Variants in UBQLN1 observed in about 807,000 individuals in gnomAD.
UBQLN1 encodes ubiquilin 1, also known as ubiquilin-1.
A neutral mutation model predicts 65.4 loss-of-function variants in UBQLN1; 13 were observed. The ratio of observed to expected loss-of-function variants is 0.20; its 90% CI spans 0.13 to 0.32. The LOEUF (loss-of-function observed/expected upper bound fraction) is 0.32. Ranked by LOEUF, UBQLN1 falls within the 10% of genes least tolerant of loss-of-function variation. The pLI, the probability that UBQLN1 is intolerant of heterozygous loss-of-function variation, is 1.00. For synonymous variants in UBQLN1, 267 were observed against 247.8 expected (o/e 1.08, Z -0.73); for missense variants, 561 against 724.0 (o/e 0.77, Z 2.58).
chr9:83,676,800 GTC>G (rs962453009), intron 6 of UBQLN1, among the ~76,000 whole-genome samples: 1 of 152,106 alleles, frequency 6.6e-6, no homozygotes, highest in Admixed American at 6.6e-5. Flanking sequence ...GTGCTCCCAT[GTC>G]TCCATTTCTT....
intron 1 of UBQLN1, among the ~76,000 whole-genome samples, chr9:83,707,280 A>C (rs1314997856): frequency 1.3e-5 from 2 of 152,150 alleles, no homozygotes; most frequent in African/African-American, 2.4e-5. Flanking sequence ...GAAAAGCGGC[A>C]TCAGCCCGTC....
intron 1 of UBQLN1, among the ~76,000 whole-genome samples, chr9:83,702,729 T>C (rs980994373): frequency 6.6e-6 from 1 of 152,174 alleles, no homozygotes; most frequent in Non-Finnish European, 1.5e-5. Context: ...TAACCACATG[T>C]GGGTGATGGT....
At position 83,661,622 on chromosome 9, in the gene UBQLN1, G is replaced by T. The variant is rs1027358189; in HGVS notation, c.*165C>A. On this transcript the variant is annotated 3_prime_UTR_variant, in exon 11 of 11. Transcript: ENST00000376395. ...CACTGTTCCAGAAAAGAAAAATACA[G>T]AAAAACCCACACATCTTACTGTACT... 7.8e-6 allele frequency: 5 copies of T among 644,328 alleles called. No individual in the cohort carries two copies. The highest frequency in any genetic ancestry group is 9.5e-6 in the Non-Finnish European group (4 of 423,080). The allele number at this position is 644,328 out of a possible 1,614,324, so 39.9% of individuals were successfully genotyped here.
At chr9:83,667,687 T>C (rs1219721996) in intron 7 of UBQLN1, 1 of 985,214 alleles carries the variant, frequency 1.0e-6, no homozygotes, top group Non-Finnish European at 1.2e-6. Flanking sequence ...TAAAAAAGCA[T>C]GTCATCTTAA....
At chr9:83,696,136 C>T (rs1253830469) in intron 1 of UBQLN1, among the ~76,000 whole-genome samples, 2 of 152,142 alleles carry the variant, frequency 1.3e-5, no homozygotes, top group Non-Finnish European at 2.9e-5. Context: ...GACAGGGTTT[C>T]ACCATGTTGG....
At chr9:83,678,956 C>T (rs988151060) in intron 4 of UBQLN1, among the ~76,000 whole-genome samples, 2 of 152,110 alleles carry the variant, frequency 1.3e-5, no homozygotes, top group Admixed American at 6.5e-5. Flanking sequence ...CTCCTGACCT[C>T]GTGATCCGCC....
chr9:83,672,518 G>T (rs1382367851), intron 6 of UBQLN1, among the ~76,000 whole-genome samples: 2 of 152,204 alleles, frequency 1.3e-5, no homozygotes, highest in Admixed American at 1.3e-4. Flanking sequence ...GACCCAAGAA[G>T]AGGAAGAGAG....
chr9:83,668,607 T>A (rs542173097), intron 7 of UBQLN1: 2 of 985,508 alleles, frequency 2.0e-6, no homozygotes, highest in Admixed American at 1.2e-4. Context: ...AGCATTAAGA[T>A]CCCCAATTTT....
At position 83,707,685 on chromosome 9, in the gene UBQLN1, T is replaced by TGGCGGC. The variant is rs752884357; in HGVS notation, c.-12_-7dup. Reference sequence around the variant, plus strand: ...CTTTCACCACTCTCGGCCATGGCTGTGGCGGCGGCGGCGGCGGTGACTCAG... The same window carrying TGGCGGC: ...CTTTCACCACTCTCGGCCATGGCTGTGGCGGCGGCGGCGGCGGCGGCGGTGACTCAG... On this transcript the variant is annotated 5_prime_UTR_variant, in exon 1 of 11. Transcript: ENST00000376395. 1.2e-5 allele frequency: 18 copies of TGGCGGC among 1,531,220 alleles called. No homozygotes were observed. In the South Asian group the frequency reaches 1.3e-4, roughly 11 times the overall value. 94.9% of individuals were successfully genotyped at this position (1,531,220 alleles called of 1,614,324 possible). A position where few individuals can be genotyped will look rare whatever the true frequency, so the allele number is the denominator to read the frequency against.
chr9:83,675,920 A>C (rs10780622), intron 6 of UBQLN1, among the ~76,000 whole-genome samples: 40,528 of 152,046 alleles, frequency 0.27, 6,604 homozygotes, highest in East Asian at 0.8. Context: ...ATTGTAACTA[A>C]ATATTACCAA....
chr9:83,675,673 AAAC>A (rs1160151298), intron 6 of UBQLN1, among the ~76,000 whole-genome samples: 2 of 152,224 alleles, frequency 1.3e-5, no homozygotes, highest in African/African-American at 2.4e-5. Context: ...GGCATGTTAA[AAAC>A]AACATTATCT....
chr9:83,681,324 T>C (rs1831936621), intron 3 of UBQLN1, among the ~76,000 whole-genome samples: 2 of 152,252 alleles, frequency 1.3e-5, no homozygotes, highest in African/African-American at 4.8e-5. Flanking sequence ...GAGCACTTTT[T>C]ATATATGCCA....
In UBQLN1 at chr9:83,661,661, C is replaced by T. The variant is rs11659; in HGVS notation, c.*126G>A. The T allele has an allele frequency of 2.0e-3, 1,990 of 1,017,724 alleles. 34 individuals carry two copies. In the African/African-American group the frequency reaches 0.029, roughly 15 times the overall value. 63.0% of individuals were successfully genotyped at this position (1,017,724 alleles called of 1,614,324 possible). A position where few individuals can be genotyped will look rare whatever the true frequency, so the allele number is the denominator to read the frequency against. The stretch of plus-strand genomic sequence containing the variant: ...TCTTACTGTACTCCACCTTAAAATG[C>T]ATCATATTGGGTTTGTTTATAACAG... On this transcript the variant is annotated 3_prime_UTR_variant, in exon 11 of 11. Coordinates refer to ENST00000376395, the MANE Select transcript of UBQLN1 (RefSeq NM_013438.5).
intron 1 of UBQLN1, among the ~76,000 whole-genome samples, chr9:83,702,389 A>G (rs1832323586): frequency 6.6e-6 from 1 of 152,206 alleles, no homozygotes; most frequent in South Asian, 2.1e-4. Context: ...CAGTATTAGA[A>G]CAAAGCAAAT....
intron 1 of UBQLN1, among the ~76,000 whole-genome samples, chr9:83,697,551 CAAAAAA>C (rs750268209): frequency 6.1e-4 from 21 of 34,476 alleles, no homozygotes; most frequent in Admixed American, 4.3e-3. Context: ...GACACTGTCT[CAAAAAA>C]AAAAAAAAAA....
intron 1 of UBQLN1, among the ~76,000 whole-genome samples, chr9:83,706,740 T>C (rs1204227823): frequency 6.6e-6 from 1 of 152,214 alleles, no homozygotes; most frequent in Admixed American, 6.5e-5. Context: ...GATTTTCTTT[T>C]ATTTGATTGC....
chr9:83,665,418 T>G, intron 8 of UBQLN1: 1 of 316,808 alleles, frequency 3.2e-6, no homozygotes, highest in South Asian at 9.0e-5. Context: ...GCCACAACTA[T>G]TCCCCTTCTC....
At chr9:83,690,860 G>A (rs926165705) in intron 1 of UBQLN1, among the ~76,000 whole-genome samples, 32 of 152,114 alleles carry the variant, frequency 2.1e-4, no homozygotes, top group East Asian at 7.7e-4. Flanking sequence ...CAATGGGAGC[G>A]GGCGCAGTGG....
intron 6 of UBQLN1, among the ~76,000 whole-genome samples, chr9:83,672,092 T>C (rs1831742654): frequency 1.3e-5 from 2 of 152,176 alleles, no homozygotes; most frequent in Admixed American, 6.5e-5. Flanking sequence ...CTTCTGCAGA[T>C]TCCTTACCTC....
Sources: allele counts gnomAD v4.1 joint callset (sites outside exome capture counted in the v4.1 genomes callset), GRCh38; gene constraint gnomAD v4.1.1; transcripts MANE v1.5; gene names NCBI Gene and HGNC (gene_info 2026-07-23, HGNC 2026-07-21).